The following TPH2 variants were observed in gnomAD, a reference collection of about 807,000 sequenced individuals.
The protein encoded by TPH2 is tryptophan 5-hydroxylase 2.
Under a neutral mutation model 59.1 loss-of-function variants are expected in TPH2, and 27 were observed. The observed-to-expected ratio is 0.46, with a 90% CI of 0.34 to 0.63. TPH2 has a LOEUF of 0.63. Ranked by LOEUF, TPH2 falls within the 30% of genes least tolerant of loss-of-function variation. The pLI is 0.01. For missense variants in TPH2, 523 were observed against 588.3 expected, an observed-to-expected ratio of 0.89 and a Z score of 1.15; for synonymous variants, 220 against 210.5, an observed-to-expected ratio of 1.05 and a Z score of -0.39.
Position 71,996,615 on chromosome 12 carries a change from C to A in TPH2, c.1068+2050C>A, listed in dbSNP as rs17110627. On this transcript the variant is annotated intron_variant, in intron 8 of 10. Transcript: ENST00000333850. ...CAAGATATATCGCTCACTTGTCTGA[C>A]CTTGAATAGCCATAAACTGATACTT... Among the ~76,000 whole-genome samples, 68 of 152,026 alleles carry A rather than the reference C, an allele frequency of 4.5e-4. No individual in the cohort carries two copies. In the South Asian group the frequency reaches 0.011, roughly 24 times the overall value.
rs1198966626 is a variant in TPH2, at chr12:72,032,310, GA to G, written c.*616del. On this transcript the variant is annotated 3_prime_UTR_variant, in exon 11 of 11. Transcript: ENST00000333850. ...AGGTTGCGTTGACCTTGTAGAACCT[GA>G]GTTATGACAAGCTTCCTGAAGTATT... 6.5e-6 allele frequency: 1 copy of G among 154,102 alleles called. No individual in the cohort carries two copies. Among genetic ancestry groups the G allele is most frequent in the African/African-American group, 2.4e-5 (1 of 41,416 alleles). The allele number at this position is 154,102 out of a possible 1,614,324, so 9.5% of individuals were successfully genotyped here.
intron 7 of TPH2, among the ~76,000 whole-genome samples, chr12:71,985,810 C>G (rs1282326914): frequency 6.6e-6 from 1 of 152,138 alleles, no homozygotes; most frequent in Non-Finnish European, 1.5e-5. Flanking sequence ...AGTTCTCGGC[C>G]CAACTTCCAG....
chr12:72,011,415 T>G (rs1029999970), intron 8 of TPH2, among the ~76,000 whole-genome samples: 9 of 152,220 alleles, frequency 5.9e-5, no homozygotes, highest in African/African-American at 2.2e-4. Flanking sequence ...ATCTCACAGA[T>G]TCATCTCCAA....
At chr12:72,019,238 G>A (rs1372010042) in intron 8 of TPH2, among the ~76,000 whole-genome samples, 2 of 152,148 alleles carry the variant, frequency 1.3e-5, no homozygotes, top group African/African-American at 4.8e-5. Context: ...CTACTCTTGT[G>A]TGCCACTGCC....
chr12:72,022,509 A>C lies in TPH2; in HGVS notation c.1164+15A>C. On this transcript the variant is annotated intron_variant, in intron 9 of 10. Transcript: ENST00000333850. ...GAGAATTAAAGGTATGAAGCTGTGA[A>C]TGAAAATACCCTTCCCATGCAAACT... is the stretch of plus-strand genomic sequence containing the variant. 2 of 1,567,014 alleles carry C rather than the reference A, an allele frequency of 1.3e-6. No homozygotes were observed. The highest frequency in any genetic ancestry group is 1.7e-4 in the Middle Eastern group (1 of 5,976).
Position 71,939,010 on chromosome 12 carries a change from T to C in TPH2, c.24T>C (p.Phe8=). The C allele has an allele frequency of 6.2e-7, 1 of 1,614,128 alleles. No homozygotes were observed. The highest frequency in any genetic ancestry group is 8.5e-7 in the Non-Finnish European group (1 of 1,180,000). The stretch of plus-strand genomic sequence containing the variant: ...CCATGCAGCCAGCAATGATGATGTT[T>C]TCCAGTAAATACTGGGCACGGAGAG... MQPAMMM[F]SSKYWARRGF... is the part of the protein sequence containing the mutation. The change falls in exon 1 of 11, where the codon TTT becomes TTC. Residue 8 remains phenylalanine (F), a synonymous_variant. Transcript: ENST00000333850.
At position 71,991,344 on chromosome 12, in the gene TPH2, T is replaced by A. The variant is rs76687877; in HGVS notation, c.942-3095T>A. Among the ~76,000 whole-genome samples, 36 of 152,356 alleles carry A rather than the reference T, an allele frequency of 2.4e-4. No homozygotes were observed. In the East Asian group the frequency reaches 6.0e-3, roughly 25 times the overall value. Reference sequence around the variant, plus strand: ...TACTGCACCAAGCATCTACCACCACTGTAGCTTTGACCTACCCTATTCTCT... The same window carrying A: ...TACTGCACCAAGCATCTACCACCACAGTAGCTTTGACCTACCCTATTCTCT... On this transcript the variant is annotated intron_variant, in intron 7 of 10. Transcript: ENST00000333850.
chr12:72,010,259 T>A (rs1288768254), intron 8 of TPH2, among the ~76,000 whole-genome samples: 2 of 152,190 alleles, frequency 1.3e-5, no homozygotes, highest in Admixed American at 1.3e-4. Context: ...TAACAGTGTG[T>A]CTGGTGGAGT....
chr12:72,027,721 G>A (rs11179065), intron 9 of TPH2, among the ~76,000 whole-genome samples: 19,912 of 152,060 alleles, frequency 0.13, 2,357 homozygotes, highest in African/African-American at 0.3. Context: ...TAACTTGTGC[G>A]CCAAAGTCAA....
In TPH2 at chr12:71,988,547, C is replaced by T. The variant is rs550918257; in HGVS notation, c.942-5892C>T. On this transcript the variant is annotated intron_variant, in intron 7 of 10. Transcript: ENST00000333850. ...CACACACTTTTAAACGACCAGATCTCGGGAGAACTCACTCACTATCCCGAG... is the reference window on the plus strand; with the variant it reads ...CACACACTTTTAAACGACCAGATCTTGGGAGAACTCACTCACTATCCCGAG... Among the ~76,000 whole-genome samples the T allele has an allele frequency of 4.7e-3, 716 of 152,230 alleles. 3 individuals are homozygous for T. The highest frequency in any genetic ancestry group is 7.3e-3 in the Non-Finnish European group (498 of 68,010).
At chr12:72,000,464 A>G (rs1162777275) in intron 8 of TPH2, among the ~76,000 whole-genome samples, 5 of 152,168 alleles carry the variant, frequency 3.3e-5, no homozygotes, top group African/African-American at 4.8e-5. Flanking sequence ...GCAGATTCTG[A>G]TGGAGTGGGT....
chr12:71,996,840 CA>C (rs1395616419), intron 8 of TPH2, among the ~76,000 whole-genome samples: 7 of 152,174 alleles, frequency 4.6e-5, no homozygotes, highest in Non-Finnish European at 8.8e-5. Context: ...TTCAGTCCAT[CA>C]AATTATGATT....
At position 71,992,944 on chromosome 12, in the gene TPH2, T is replaced by C. The variant is rs368064157; in HGVS notation, c.942-1495T>C. Among the ~76,000 whole-genome samples, 20 of 152,346 alleles carry C rather than the reference T, an allele frequency of 1.3e-4. No individual in the cohort carries two copies. The South Asian group carries it at 3.7e-3, about 28-fold the overall frequency. On this transcript the variant is annotated intron_variant, in intron 7 of 10. Transcript: ENST00000333850. ...GCTTCTTTGCCATAAGCAATGTGATTGAAGAATAACCACCTCGTATGCCTT... is the reference window on the plus strand; with the variant it reads ...GCTTCTTTGCCATAAGCAATGTGATCGAAGAATAACCACCTCGTATGCCTT...
chr12:72,021,241 G>A (rs576155509), intron 8 of TPH2, among the ~76,000 whole-genome samples: 3 of 151,834 alleles, frequency 2.0e-5, no homozygotes, highest in Non-Finnish European at 4.4e-5. Flanking sequence ...TTCTCGTTGT[G>A]CAAAGATTCC....
At chr12:71,993,197 T>C (rs1872619473) in intron 7 of TPH2, among the ~76,000 whole-genome samples, 1 of 152,242 alleles carries the variant, frequency 6.6e-6, no homozygotes, top group Non-Finnish European at 1.5e-5. Flanking sequence ...ATCTGTTTTA[T>C]GTGGGCATCA....
intron 7 of TPH2, among the ~76,000 whole-genome samples, chr12:71,989,132 T>A (rs1357325582): frequency 2.0e-5 from 3 of 150,746 alleles, no homozygotes; most frequent in African/African-American, 7.3e-5. Flanking sequence ...GGTGACTTTT[T>A]GTAGCTATAC....
At chr12:71,996,958 A>G (rs1423644770) in intron 8 of TPH2, among the ~76,000 whole-genome samples, 1 of 149,770 alleles carries the variant, frequency 6.7e-6, no homozygotes, top group African/African-American at 2.4e-5. Flanking sequence ...TTAAGAGGAT[A>G]GTTTGTACTG....
intron 7 of TPH2, among the ~76,000 whole-genome samples, chr12:71,991,536 A>G (rs1872578469): frequency 6.6e-6 from 1 of 152,208 alleles, no homozygotes; most frequent in Non-Finnish European, 1.5e-5. Context: ...TATTGTTGCC[A>G]CATCTTCTGC....
At chr12:71,990,277 C>G (rs567578659) in intron 7 of TPH2, among the ~76,000 whole-genome samples, 1 of 152,280 alleles carries the variant, frequency 6.6e-6, no homozygotes, top group East Asian at 1.9e-4. Flanking sequence ...GTGGATGATA[C>G]AACCAAAGTA....
Sources: allele counts gnomAD v4.1 joint callset (sites outside exome capture counted in the v4.1 genomes callset), GRCh38; gene constraint gnomAD v4.1.1; transcripts MANE v1.5; gene names NCBI Gene and HGNC (gene_info 2026-07-23, HGNC 2026-07-21).